U2SURP: variants seen among roughly 807,000 people sequenced by gnomAD.
U2SURP encodes the protein U2 snRNP-associated SURP motif-containing protein.
Under a neutral mutation model 144.9 loss-of-function variants are expected in U2SURP, and 9 were observed. That is an observed-to-expected ratio of 0.06 (90% CI 0.04 to 0.11). U2SURP has a LOEUF of 0.11. Among genes scored for constraint, U2SURP ranks in the 10% least tolerant of loss-of-function variants. The pLI is 1.00. For synonymous variants in U2SURP, 408 were observed against 396.8 expected, an observed-to-expected ratio of 1.03 and a Z score of -0.33; for missense variants, 724 against 1,226.7, an observed-to-expected ratio of 0.59 and a Z score of 6.12.
chr3:143,042,322 G>A (rs1450665128), intron 23 of U2SURP, among the ~76,000 whole-genome samples: 4 of 152,046 alleles, frequency 2.6e-5, no homozygotes, highest in African/African-American at 9.7e-5. Flanking sequence ...AATCAGATAA[G>A]GTCTTTACCA....
At position 143,016,957 on chromosome 3, in the gene U2SURP, G is replaced by T. The variant is rs370084492; in HGVS notation, c.552G>T (p.Val184=). The T allele has an allele frequency of 1.8e-5, 29 of 1,579,426 alleles. No individual in the cohort carries two copies. The highest frequency in any genetic ancestry group is 7.1e-5 in the South Asian group (6 of 84,588). ...ATGAAAGACCACCATCTCTTCTTGT[G>T]ATAGAAACCAAAAAACCTGTAAGTC... The part of the protein sequence containing the change: ...SSNERPPSLL[V]IETKKPPLKK... Residue 184 remains valine (V), a synonymous_variant, in exon 6 of 28, where the codon GTG becomes GTT. Transcript: ENST00000473835.
At position 143,028,620 on chromosome 3, in the gene U2SURP, T is replaced by G. The variant is rs1389704847; in HGVS notation, c.1584T>G (p.Pro528=). 9 of 1,603,872 alleles carry G rather than the reference T, an allele frequency of 5.6e-6. No individual in the cohort carries two copies. The highest frequency in any genetic ancestry group is 7.6e-6 in the Non-Finnish European group (9 of 1,177,318). The change falls in exon 16 of 28, where the codon CCT becomes CCG. Residue 528 remains proline (P), a synonymous_variant. Coordinates refer to ENST00000473835, the MANE Select transcript of U2SURP (RefSeq NM_001080415.2). ...EQETEAFVEE[P]SKKGALKEEQ... is the part of the protein sequence containing the mutation. ...AAACAGAAGCTTTTGTAGAGGAACC[T>G]AGTAAAAAGGGAGCACTTAAGGAAG...
chr3:143,053,539 T>A, intron 25 of U2SURP, 137 bp from the exon 26 acceptor site: 1 of 619,528 alleles, frequency 1.6e-6, no homozygotes, highest in Non-Finnish European at 2.5e-6. Flanking sequence ...GGGTAGATTT[T>A]TTTTTTTTTA....
intron 10 of U2SURP, among the ~76,000 whole-genome samples, chr3:143,021,798 G>A (rs1358350781): frequency 6.6e-6 from 1 of 152,010 alleles, no homozygotes; most frequent in African/African-American, 2.4e-5. Flanking sequence ...ATTAAATCAG[G>A]GTGTGACCAT....
intron 25 of U2SURP, among the ~76,000 whole-genome samples, chr3:143,051,776 A>G (rs779603239): frequency 6.6e-6 from 1 of 152,072 alleles, no homozygotes; most frequent in Non-Finnish European, 1.5e-5. Context: ...GTGGAATGCT[A>G]GTACTGCTCT....
chr3:143,018,912 C>T (rs539291308), intron 6 of U2SURP, among the ~76,000 whole-genome samples: 69 of 152,092 alleles, frequency 4.5e-4, no homozygotes, highest in African/African-American at 1.5e-3. Flanking sequence ...GCAACAAGAG[C>T]GAAACTCCAT....
chr3:143,056,191 A>G lies in U2SURP; in HGVS notation c.2952-121A>G, dbSNP rs1325599876. ...TAGAGTTTAAATTTTAGAAGTTCAT[A>G]GTCTTATTGCAGTGATTTTTCACTG... On this transcript the variant is annotated intron_variant, in intron 27 of 27. Coordinates refer to ENST00000473835, the MANE Select transcript of U2SURP (RefSeq NM_001080415.2). The G allele has an allele frequency of 6.9e-6, 7 of 1,009,838 alleles. No individual in the cohort carries two copies. The Admixed American group carries it at 1.4e-4, about 21-fold the overall frequency. The allele number at this position is 1,009,838 out of a possible 1,614,324, so 62.6% of individuals were successfully genotyped here.
At chr3:143,017,451 T>C (rs1342645801) in intron 6 of U2SURP, 1 of 152,202 alleles carries the variant, frequency 6.6e-6, no homozygotes, top group African/African-American at 2.4e-5. Context: ...TTAGTTTTTA[T>C]GGGAGATGGT....
intron 23 of U2SURP, 69 bp from the exon 24 acceptor site, chr3:143,043,048 T>C (rs2108305448): frequency 7.2e-7 from 1 of 1,389,420 alleles, no homozygotes; most frequent in Admixed American, 2.6e-5. Flanking sequence ...AAAAATAAAA[T>C]AGGTAGACTG....
intron 1 of U2SURP, among the ~76,000 whole-genome samples, chr3:143,008,949 A>G (rs944861035): frequency 1.9e-4 from 29 of 152,104 alleles, no homozygotes; most frequent in Non-Finnish European, 3.4e-4. Context: ...GGGTTTCACC[A>G]GGTTTGGCCA....
chr3:143,038,099 C>T lies in U2SURP; in HGVS notation c.2222-9C>T. 3 of 1,591,370 alleles carry T rather than the reference C, an allele frequency of 1.9e-6. No homozygotes were observed. The highest frequency in any genetic ancestry group is 1.7e-6 in the Non-Finnish European group (2 of 1,169,866). ...TAGTCAGGGTTAATGGCTTATCTTTCCCTAATAGTGGATGCAACTGAAGAC... is the reference window on the plus strand; with the variant it reads ...TAGTCAGGGTTAATGGCTTATCTTTTCCTAATAGTGGATGCAACTGAAGAC... On this transcript the variant is annotated splice_polypyrimidine_tract_variant and intron_variant, in intron 21 of 27. Coordinates refer to ENST00000473835, the MANE Select transcript of U2SURP (RefSeq NM_001080415.2).
intron 20 of U2SURP, chr3:143,036,880 C>T: frequency 2.9e-6 from 1 of 341,266 alleles, no homozygotes; most frequent in Non-Finnish European, 5.4e-6. Context: ...CCTGGTTCCC[C>T]CACCCCTGCA....
chr3:143,001,594 C>T lies in U2SURP; in HGVS notation c.-35C>T, dbSNP rs1935523481. ...TCTTTCGGTGCTCGACTCGCCCGTGCTGCTGCCGCCGCCGAAGGAGGGGCA... is the reference window on the plus strand; with the variant it reads ...TCTTTCGGTGCTCGACTCGCCCGTGTTGCTGCCGCCGCCGAAGGAGGGGCA... On this transcript the variant is annotated 5_prime_UTR_variant, in exon 1 of 28. Coordinates refer to ENST00000473835, the MANE Select transcript of U2SURP (RefSeq NM_001080415.2). The T allele has an allele frequency of 6.2e-7, 1 of 1,612,904 alleles. No individual in the cohort carries two copies. Among genetic ancestry groups the T allele is most frequent in the Non-Finnish European group, 8.5e-7 (1 of 1,179,552 alleles).
intron 24 of U2SURP, 55 bp from the exon 25 acceptor site, chr3:143,050,884 G>A: frequency 8.1e-7 from 1 of 1,239,372 alleles, no homozygotes; most frequent in Non-Finnish European, 1.1e-6. Flanking sequence ...GCAAAACAGT[G>A]CTTGAGAATC....
At chr3:143,011,103 C>T (rs895831481) in intron 2 of U2SURP, among the ~76,000 whole-genome samples, 1 of 151,272 alleles carries the variant, frequency 6.6e-6, no homozygotes, top group African/African-American at 2.4e-5. Context: ...GTGTAAAAAT[C>T]TGTACATACA....
rs1434902864 is a variant in U2SURP, at chr3:143,059,209, C to T, written c.*2759C>T. The T allele has an allele frequency of 1.3e-5, 2 of 152,266 alleles. No individual in the cohort carries two copies. The highest frequency in any genetic ancestry group is 2.4e-5 in the African/African-American group (1 of 41,394). 9.4% of individuals were successfully genotyped at this position (152,266 alleles called of 1,614,324 possible). ...AAATTAAAACTAACACAACAAAAGG[C>T]GCTGAATCAAAAGATCTTTGCTTTT... On this transcript the variant is annotated 3_prime_UTR_variant, in exon 28 of 28. Coordinates refer to ENST00000473835, the MANE Select transcript of U2SURP (RefSeq NM_001080415.2).
chr3:143,055,229 T>A, intron 27 of U2SURP, 110 bp downstream of exon 27: 1 of 989,510 alleles, frequency 1.0e-6, no homozygotes. Context: ...TTTAAGGATT[T>A]TAGAAAACCA....
chr3:143,031,311 A>G (rs1933468868), intron 16 of U2SURP, among the ~76,000 whole-genome samples: 1 of 151,112 alleles, frequency 6.6e-6, no homozygotes, highest in African/African-American at 2.4e-5. Context: ...AAATGTTAAC[A>G]AACAACAACT....
chr3:143,048,376 C>G (rs772094383), intron 24 of U2SURP, among the ~76,000 whole-genome samples: 4 of 152,182 alleles, frequency 2.6e-5, no homozygotes, highest in African/African-American at 4.8e-5. Flanking sequence ...TTGACTCTTT[C>G]TAACGCAAAC....
Sources: allele counts gnomAD v4.1 joint callset (sites outside exome capture counted in the v4.1 genomes callset), GRCh38; gene constraint gnomAD v4.1.1; transcripts MANE v1.5; gene names NCBI Gene and HGNC (gene_info 2026-07-23, HGNC 2026-07-21).